The following GPCPD1 variants were observed in gnomAD, a reference collection of about 807,000 sequenced individuals.
GPCPD1 encodes glycerophosphocholine phosphodiesterase 1, also known as glycerophosphocholine phosphodiesterase GPCPD1.
GPCPD1 carries 29 observed loss-of-function variants against 89.2 expected under a neutral mutation model. That is an observed-to-expected ratio of 0.33 (90% CI 0.24 to 0.44). The LOEUF (loss-of-function observed/expected upper bound fraction) is 0.44, where lower values mean the gene tolerates loss of function less well. GPCPD1 is among the 20% of genes least tolerant of loss of function. The pLI, the probability that GPCPD1 is intolerant of heterozygous loss-of-function variation, is 1.00. For missense variants in GPCPD1, 594 were observed against 808.9 expected (o/e 0.73, Z 3.22); for synonymous variants, 258 against 266.3 (o/e 0.97, Z 0.30).
intron 2 of GPCPD1, among the ~76,000 whole-genome samples, chr20:5,600,990 G>GA (rs1388304717): frequency 1.3e-5 from 2 of 151,632 alleles, no homozygotes; most frequent in Admixed American, 6.6e-5. Flanking sequence ...ACTCTGTCTC[G>GA]AAAAAAATTT....
intron 17 of GPCPD1, among the ~76,000 whole-genome samples, chr20:5,559,289 G>A (rs1006123160): frequency 2.6e-5 from 4 of 152,106 alleles, no homozygotes; most frequent in Admixed American, 6.5e-5. Flanking sequence ...ATTAACATGC[G>A]TTGCCTTTTC....
chr20:5,582,860 G>A (rs1018806418), intron 6 of GPCPD1, among the ~76,000 whole-genome samples: 3 of 150,886 alleles, frequency 2.0e-5, no homozygotes, highest in African/African-American at 4.9e-5. Flanking sequence ...CTGCATTCCA[G>A]CCTGGGTGAC....
chr20:5,583,393 C>G (rs1978693513), intron 6 of GPCPD1, among the ~76,000 whole-genome samples: 1 of 149,482 alleles, frequency 6.7e-6, no homozygotes, highest in African/African-American at 2.5e-5. Flanking sequence ...AAAAAAAATA[C>G]AAAAATTAGC....
chr20:5,608,533 C>T (rs931254675), intron 1 of GPCPD1, among the ~76,000 whole-genome samples: 1 of 151,740 alleles, frequency 6.6e-6, no homozygotes, highest in African/African-American at 2.4e-5. Flanking sequence ...CAGTTACCAC[C>T]AAAACAGCAG....
At chr20:5,593,845 C>T (rs76390385) in intron 3 of GPCPD1, among the ~76,000 whole-genome samples, 2 of 152,336 alleles carry the variant, frequency 1.3e-5, no homozygotes, top group East Asian at 3.9e-4. Context: ...TGACTTCCCA[C>T]TTAGCGAGGG....
Position 5,575,981 on chromosome 20 carries a change from G to GA in GPCPD1, c.706-4dup. The GA allele has an allele frequency of 1.9e-6, 3 of 1,541,134 alleles. No individual in the cohort carries two copies. The highest frequency in any genetic ancestry group is 2.7e-6 in the Non-Finnish European group (3 of 1,125,414). ...ACTACGTGCTCACTGAGATCTTCCT[G>GA]AAAAAATGAGATTTAAAATAATCTT... On this transcript the variant is annotated splice_region_variant and splice_polypyrimidine_tract_variant and intron_variant, in intron 8 of 19. Transcript: ENST00000379019.
chr20:5,574,276 G>A (rs1271354374), intron 10 of GPCPD1, among the ~76,000 whole-genome samples: 2 of 152,104 alleles, frequency 1.3e-5, no homozygotes, highest in Non-Finnish European at 2.9e-5. Context: ...CCTTTTCAAT[G>A]GCAGAAGAAA....
At position 5,557,927 on chromosome 20, in the gene GPCPD1, T is replaced by C. The variant is rs1985870171; in HGVS notation, c.1829+18A>G. 7.1e-7 allele frequency: 1 copy of C among 1,400,156 alleles called. No homozygotes were observed. 86.7% of individuals were successfully genotyped at this position (1,400,156 alleles called of 1,614,324 possible). The stretch of plus-strand genomic sequence containing the variant: ...ATACTTCTAAATTCCATGAAAATTT[T>C]TCATGAAAAACAAATACCTATCATA... On this transcript the variant is annotated intron_variant, in intron 19 of 19. Coordinates refer to ENST00000379019, the MANE Select transcript of GPCPD1 (RefSeq NM_019593.5).
chr20:5,548,648 C>A (rs1985178895), intron 19 of GPCPD1, among the ~76,000 whole-genome samples: 1 of 152,184 alleles, frequency 6.6e-6, no homozygotes, highest in African/African-American at 2.4e-5. Context: ...AACAAAGATT[C>A]TTTTCAATAA....
In GPCPD1 at chr20:5,567,570, A is replaced by T; in HGVS notation, c.1150-10T>A. 1.3e-6 allele frequency: 2 copies of T among 1,550,044 alleles called. No individual in the cohort carries two copies. Among genetic ancestry groups the T allele is most frequent in the Non-Finnish European group, 1.7e-6 (2 of 1,155,190 alleles). On this transcript the variant is annotated splice_polypyrimidine_tract_variant and intron_variant, in intron 12 of 19. Transcript: ENST00000379019. ...GATCAGCATCAAATTTCTAAAAAAA[A>T]AAAAAAAAGAAAGAAAGAAAAAGAA...
chr20:5,554,185 C>T (rs553262536), intron 19 of GPCPD1, among the ~76,000 whole-genome samples: 5 of 138,180 alleles, frequency 3.6e-5, no homozygotes, highest in Admixed American at 1.4e-4. Context: ...GGGTTTTCAC[C>T]GTGTTAGCCA....
At chr20:5,566,593 G>A (rs1019702820) in intron 14 of GPCPD1, 140 bp downstream of exon 14, 34 of 587,990 alleles carry the variant, frequency 5.8e-5, no homozygotes, top group Non-Finnish European at 9.0e-5. Context: ...ATTCATTTCC[G>A]AACTATAAAA....
chr20:5,574,127 G>C, intron 10 of GPCPD1, 158 bp from the exon 11 acceptor site: 1 of 601,040 alleles, frequency 1.7e-6, no homozygotes, highest in East Asian at 2.8e-5. Context: ...GCTGTGACTA[G>C]GAATTTATTC....
chr20:5,582,209 A>C (rs1266064880), intron 6 of GPCPD1, among the ~76,000 whole-genome samples: 10 of 145,148 alleles, frequency 6.9e-5, no homozygotes, highest in East Asian at 5.9e-4. Flanking sequence ...AAAAAAAAAA[A>C]AAAAAAAAAA....
Position 5,578,400 on chromosome 20 carries a change from G to A in GPCPD1, c.685C>T (p.Leu229=). ...CTCACTTCGAAAAAATCAAAGATTA[G>A]TTCCAGGTTATCTGGTTCCATCGTC... ...IQTMEPDNLE[L]IFDFFEEDLS... Residue 229 remains leucine, a synonymous_variant, in exon 8 of 20, where the codon CTA becomes TTA. Transcript: ENST00000379019. The A allele has an allele frequency of 6.2e-7, 1 of 1,609,214 alleles. No individual in the cohort carries two copies. The highest frequency in any genetic ancestry group is 8.5e-7 in the Non-Finnish European group (1 of 1,175,464).
chr20:5,602,280 TG>T (rs1419391791), intron 2 of GPCPD1, among the ~76,000 whole-genome samples: 4 of 152,236 alleles, frequency 2.6e-5, no homozygotes, highest in Non-Finnish European at 5.9e-5. Flanking sequence ...GACACTTCTG[TG>T]GCCAGTTCTG....
rs908286489 is a variant in GPCPD1 at position 5,559,945 on chromosome 20, G to A, written c.1527C>T (p.Cys509=). The change falls in exon 17 of 20, where the codon TGC becomes TGT. Residue 509 remains cysteine, a synonymous_variant. Transcript: ENST00000379019. The part of the protein sequence containing the change: ...IVFSSFDADI[C]TMVRQKQNKY... ...AAATACAGAGTATTACTCACATTGTGCAAATATCTGCATCAAATGAAGAAA... is the reference window on the plus strand; with the variant it reads ...AAATACAGAGTATTACTCACATTGTACAAATATCTGCATCAAATGAAGAAA... 6.5e-7 allele frequency: 1 copy of A among 1,531,330 alleles called. No individual in the cohort carries two copies. The highest frequency in any genetic ancestry group is 1.4e-5 in the African/African-American group (1 of 71,422). 94.9% of individuals were successfully genotyped at this position (1,531,330 alleles called of 1,614,324 possible).
At chr20:5,583,089 C>A (rs1306688237) in intron 6 of GPCPD1, among the ~76,000 whole-genome samples, 1 of 151,560 alleles carries the variant, frequency 6.6e-6, no homozygotes, top group African/African-American at 2.4e-5. Context: ...ACAAAATTAG[C>A]TGGGCATGCC....
intron 2 of GPCPD1, among the ~76,000 whole-genome samples, chr20:5,602,356 C>A (rs1980222373): frequency 6.6e-6 from 1 of 152,198 alleles, no homozygotes; most frequent in Non-Finnish European, 1.5e-5. Context: ...TACAACTCCC[C>A]AGAAAGAGAA....
Sources: allele counts gnomAD v4.1 joint callset (sites outside exome capture counted in the v4.1 genomes callset), GRCh38; gene constraint gnomAD v4.1.1; transcripts MANE v1.5; gene names NCBI Gene and HGNC (gene_info 2026-07-23, HGNC 2026-07-21).